LOC128462377: variants seen among roughly 807,000 people sequenced by gnomAD.
At chr16:89,347,309 C>T in the LOC128462377 span, among the ~76,000 whole-genome samples, 12 of 152,156 alleles carry the variant, frequency 7.9e-5, no homozygotes, top group African/African-American at 2.9e-4. Flanking sequence ...AACATGTACA[C>T]ATAAAAAGAG....
At chr16:89,377,875 A>C in the LOC128462377 span, among the ~76,000 whole-genome samples, 1 of 151,722 alleles carries the variant, frequency 6.6e-6, no homozygotes, top group African/African-American at 2.4e-5. Flanking sequence ...CCGCCCCATG[A>C]GAACAGCATG....
At chr16:89,370,006 T>C in the LOC128462377 span, among the ~76,000 whole-genome samples, 1,218 of 152,306 alleles carry the variant, frequency 8.0e-3, 12 homozygotes, top group Admixed American at 0.014. Context: ...GCCTGGCCCC[T>C]TCAGGAAGAG....
At chr16:89,408,885 A>T in the LOC128462377 span, among the ~76,000 whole-genome samples, 3 of 152,266 alleles carry the variant, frequency 2.0e-5, no homozygotes, top group Admixed American at 2.0e-4. Context: ...GATATCTAGC[A>T]GAGCATGTGC....
the LOC128462377 span, among the ~76,000 whole-genome samples, chr16:89,407,626 G>C: frequency 6.6e-6 from 1 of 152,204 alleles, no homozygotes; most frequent in African/African-American, 2.4e-5. Flanking sequence ...TTCAAGACCA[G>C]CCTGAGTAAC....
At chr16:89,324,125 A>G in the LOC128462377 span, 1 of 783,144 alleles carries the variant, frequency 1.3e-6, no homozygotes, top group Non-Finnish European at 1.7e-6. Flanking sequence ...GCCCCACGGC[A>G]CAACGCTCTC....
chr16:89,401,301 A>G, the LOC128462377 span, among the ~76,000 whole-genome samples: 17 of 151,600 alleles, frequency 1.1e-4, no homozygotes, highest in Admixed American at 2.6e-4. Context: ...CTGGTCTCGA[A>G]CTCCTGACCT....
the LOC128462377 span, among the ~76,000 whole-genome samples, chr16:89,381,461 CT>C: frequency 6.6e-6 from 1 of 151,932 alleles, no homozygotes; most frequent in African/African-American, 2.4e-5. Flanking sequence ...GGAGCAAGAG[CT>C]TTTCACATTG....
chr16:89,379,383 T>G, the LOC128462377 span, among the ~76,000 whole-genome samples: 14 of 152,370 alleles, frequency 9.2e-5, 1 homozygote, highest in African/African-American at 3.1e-4. Context: ...TTTCATTATA[T>G]GTCGAAAGCT....
chr16:89,334,152 A>AG, the LOC128462377 span, among the ~76,000 whole-genome samples: 1 of 133,248 alleles, frequency 7.5e-6, no homozygotes, highest in Non-Finnish European at 1.6e-5. Flanking sequence ...TTTAAAAAAA[A>AG]AAAAAAAAAA....
the LOC128462377 span, among the ~76,000 whole-genome samples, chr16:89,317,988 G>A: frequency 6.6e-6 from 1 of 152,158 alleles, no homozygotes; most frequent in Non-Finnish European, 1.5e-5. Context: ...CACAAAGCCT[G>A]CAAGAACTTT....
At chr16:89,341,463 G>A in the LOC128462377 span, among the ~76,000 whole-genome samples, 1 of 152,198 alleles carries the variant, frequency 6.6e-6, no homozygotes, top group South Asian at 2.1e-4. Context: ...GGTTCCAGAA[G>A]GCCTGTGTGG....
chr16:89,331,940 ACT>A, the LOC128462377 span, among the ~76,000 whole-genome samples: 1 of 152,150 alleles, frequency 6.6e-6, no homozygotes, highest in South Asian at 2.1e-4. Context: ...CGTCATCACC[ACT>A]GTGTTCACCA....
chr16:89,409,189 T>C, the LOC128462377 span, among the ~76,000 whole-genome samples: 18 of 152,240 alleles, frequency 1.2e-4, no homozygotes, highest in African/African-American at 3.9e-4. Flanking sequence ...GGAAATGAGA[T>C]GAGCTCACAC....
At chr16:89,365,184 G>C in the LOC128462377 span, among the ~76,000 whole-genome samples, 1 of 152,160 alleles carries the variant, frequency 6.6e-6, no homozygotes, top group Non-Finnish European at 1.5e-5. Flanking sequence ...ATCCTGTCCA[G>C]TGATGACTAT....
chr16:89,415,486 G>A, the LOC128462377 span, among the ~76,000 whole-genome samples: 2 of 146,480 alleles, frequency 1.4e-5, no homozygotes, highest in Non-Finnish European at 3.0e-5. Context: ...GGATGGTCTT[G>A]ATCTCCTGAC....
At chr16:89,317,135 A>C in the LOC128462377 span, 2 of 1,124,660 alleles carry the variant, frequency 1.8e-6, no homozygotes, top group Non-Finnish European at 1.3e-6. Flanking sequence ...AAACTCATCC[A>C]CTCTCACACC....
At chr16:89,385,986 G>A in the LOC128462377 span, among the ~76,000 whole-genome samples, 1 of 152,208 alleles carries the variant, frequency 6.6e-6, no homozygotes, top group Non-Finnish European at 1.5e-5. Context: ...GCTCAAGCCG[G>A]CCTCCCGCTC....
the LOC128462377 span, among the ~76,000 whole-genome samples, chr16:89,341,400 A>G: frequency 6.6e-6 from 1 of 152,212 alleles, no homozygotes; most frequent in African/African-American, 2.4e-5. Context: ...GGTTGGAGGG[A>G]TAAGGCCCCA....
chr16:89,351,106 G>T, the LOC128462377 span, among the ~76,000 whole-genome samples: 263 of 152,306 alleles, frequency 1.7e-3, no homozygotes, highest in Non-Finnish European at 1.3e-3. Context: ...GTACCTCAAA[G>T]AAGCTCTCAG....
Sources: allele counts gnomAD v4.1 joint callset (sites outside exome capture counted in the v4.1 genomes callset), GRCh38; gene constraint gnomAD v4.1.1; transcripts MANE v1.5.